Variants in PFKFB3 observed in about 807,000 individuals in gnomAD.
PFKFB3 encodes the protein 6-phosphofructo-2-kinase/fructose-2,6-biphosphatase 3.
In PFKFB3, 33 loss-of-function variants were observed where a neutral mutation model predicts 68.0. That is an observed-to-expected ratio of 0.49 (90% confidence interval 0.37 to 0.65). The LOEUF (loss-of-function observed/expected upper bound fraction) is 0.65. Ranked by LOEUF, PFKFB3 falls within the 30% of genes least tolerant of loss-of-function variation. The pLI is 0.00. For synonymous variants in PFKFB3, 315 were observed against 288.2 expected (o/e 1.09, Z -0.94); for missense variants, 586 against 712.2 (o/e 0.82, Z 2.02).
the PFKFB3 span, among the ~76,000 whole-genome samples, chr10:6,308,250 T>C: frequency 4.6e-5 from 7 of 152,224 alleles, no homozygotes; most frequent in Admixed American, 2.0e-4. Flanking sequence ...CGGTGGCTCA[T>C]GCCCATAATC....
At chr10:6,157,165 A>C (rs1235027018) in intron 1 of PFKFB3, among the ~76,000 whole-genome samples, 1 of 151,966 alleles carries the variant, frequency 6.6e-6, no homozygotes, top group East Asian at 1.9e-4. Flanking sequence ...GGAAACAAGG[A>C]TTTTGTCATC....
chr10:6,293,248 TC>T, the PFKFB3 span: 1 of 450,382 alleles, frequency 2.2e-6, no homozygotes. Context: ...AGTCCTTCAG[TC>T]CAGTGACCTT....
rs765060646 is a variant in PFKFB3, at chr10:6,213,726, C to T, written c.180C>T (p.Asn60=). 51 of 1,613,268 alleles carry T rather than the reference C, an allele frequency of 3.2e-5. No individual in the cohort carries two copies. In the Admixed American group the frequency reaches 6.8e-4, roughly 22 times the overall value. ...YISKKLTRYL[N]WIGVPTKVFN... ...CCAAGAAGCTGACTCGCTACCTCAA[C>T]TGGATTGGCGTCCCCACAAAAGGTG... Residue 60 remains asparagine (N), a synonymous_variant, in exon 2 of 15, where the codon AAC becomes AAT. Coordinates refer to ENST00000379775, the MANE Select transcript of PFKFB3 (RefSeq NM_004566.4).
the PFKFB3 span, chr10:6,277,705 G>T: frequency 2.7e-6 from 1 of 375,872 alleles, no homozygotes; most frequent in Non-Finnish European, 5.3e-6. Flanking sequence ...GTTTCCTGAG[G>T]CCTCCCTAGA....
chr10:6,221,427 A>G lies in PFKFB3; in HGVS notation c.878A>G (p.Asp293Gly). ...SKFVEEQNLK[D>G]LRVWTSQLKS... is the part of the protein sequence containing the mutation. ...TTCGTGGAGGAGCAGAACCTGAAGG[A>G]CCTGCGCGTGTGGACCAGCCAGCTG... The change falls in exon 9 of 15, where the codon GAC becomes GGC. Residue 293 changes from aspartate (D) to glycine (G), a missense_variant. Physicochemically the swap from Asp to Gly is moderately conservative, Grantham distance 94. Coordinates refer to ENST00000379775, the MANE Select transcript of PFKFB3 (RefSeq NM_004566.4). 1.2e-6 allele frequency: 2 copies of G among 1,613,778 alleles called. No individual in the cohort carries two copies. The highest frequency in any genetic ancestry group is 1.7e-6 in the Non-Finnish European group (2 of 1,179,990).
the PFKFB3 span, among the ~76,000 whole-genome samples, chr10:6,291,629 T>C: frequency 6.6e-6 from 1 of 151,900 alleles, no homozygotes; most frequent in African/African-American, 2.4e-5. Context: ...TACTGGCAAC[T>C]TTCAGAAGAA....
chr10:6,258,725 A>G (rs1269056687), downstream of PFKFB3, among the ~76,000 whole-genome samples: 1 of 152,232 alleles, frequency 6.6e-6, no homozygotes, highest in African/African-American at 2.4e-5. Flanking sequence ...CTGAGTGGAA[A>G]AATTACTCTC....
At chr10:6,151,999 A>G (rs966032720) in intron 1 of PFKFB3, among the ~76,000 whole-genome samples, 6 of 150,694 alleles carry the variant, frequency 4.0e-5, no homozygotes, top group Non-Finnish European at 7.4e-5. Flanking sequence ...CTGATGCCCC[A>G]GAAATTCTGA....
the PFKFB3 span, among the ~76,000 whole-genome samples, chr10:6,308,240 C>T: frequency 2.1e-3 from 326 of 152,294 alleles, 6 homozygotes; most frequent in East Asian, 0.049. Flanking sequence ...AGGCCAGGTG[C>T]GGTGGCTCAT....
At chr10:6,192,667 G>A (rs914033937) in intron 1 of PFKFB3, among the ~76,000 whole-genome samples, 160 of 21,644 alleles carry the variant, frequency 7.4e-3, no homozygotes, top group African/African-American at 0.02. Flanking sequence ...CCTCACCCGT[G>A]TGTGTGTGTG....
At position 6,215,476 on chromosome 10, in the gene PFKFB3, GC is replaced by G. The variant is rs1377544300; in HGVS notation, c.299+160del. 6.6e-6 allele frequency among the ~76,000 whole-genome samples: 1 copy of G among 152,116 alleles called. No individual in the cohort carries two copies. The highest frequency in any genetic ancestry group is 1.9e-4 in the East Asian group (1 of 5,184). On this transcript the variant is annotated intron_variant, in intron 3 of 14. Coordinates refer to ENST00000379775, the MANE Select transcript of PFKFB3 (RefSeq NM_004566.4). The surrounding 1 kb of genome is among the most constrained non-coding windows in gnomAD (Gnocchi z 4.3). ...CTGCGGGTGTAAGGCTGGGCTGCGG[GC>G]TTGGGCTTGCTTTGTTCTGAGCCAG...
rs1037733790 is a variant in PFKFB3, at chr10:6,222,765, C to G, written c.1084-90C>G. 6 of 1,406,032 alleles carry G rather than the reference C, an allele frequency of 4.3e-6. No homozygotes were observed. The African/African-American group carries it at 8.7e-5, about 20-fold the overall frequency. The allele number at this position is 1,406,032 out of a possible 1,614,324, so 87.1% of individuals were successfully genotyped here. On this transcript the variant is annotated intron_variant, in intron 10 of 14. Coordinates refer to ENST00000379775, the MANE Select transcript of PFKFB3 (RefSeq NM_004566.4). ...ATGATGGATGATTGATTTTGCGTGG[C>G]TCTCTGGCCGGTCTGATGCAGTCTG...
At chr10:6,225,092 C>T in intron 13 of PFKFB3, 1 of 456,084 alleles carries the variant, frequency 2.2e-6, no homozygotes, top group South Asian at 1.5e-5. Context: ...CTGCCTCTGA[C>T]TGAGTAGAGT....
At chr10:6,275,008 A>T in the PFKFB3 span, among the ~76,000 whole-genome samples, 9 of 152,150 alleles carry the variant, frequency 5.9e-5, no homozygotes, top group Admixed American at 2.0e-4. This position sits in a 1 kb window ranked among gnomAD's most constrained non-coding sequence, Gnocchi z 4.9. Context: ...TTTCCCACCC[A>T]AGTTTACATA....
the PFKFB3 span, among the ~76,000 whole-genome samples, chr10:6,306,867 T>C: frequency 1.3e-5 from 2 of 152,224 alleles, no homozygotes; most frequent in African/African-American, 4.8e-5. Context: ...CTTTCTCAGT[T>C]CATCAGTGTA....
At chr10:6,207,123 G>T (rs376777313) in intron 1 of PFKFB3, among the ~76,000 whole-genome samples, 1 of 150,790 alleles carries the variant, frequency 6.6e-6, no homozygotes. Context: ...CCGAGATCAC[G>T]CCACTGCACC....
In PFKFB3 at chr10:6,222,884, G is replaced by A. The variant is rs780029811; in HGVS notation, c.1113G>A (p.Glu371=). ...ESYQDLVQRL[E]PVIMELERQE... The stretch of plus-strand genomic sequence containing the variant: ...ACCAGGACCTGGTCCAGCGCTTGGA[G>A]CCAGTGATCATGGAGCTGGAGCGGC... Residue 371 remains glutamate (E), a synonymous_variant, in exon 11 of 15, where the codon GAG becomes GAA. Coordinates refer to ENST00000379775, the MANE Select transcript of PFKFB3 (RefSeq NM_004566.4). 8.4e-5 allele frequency: 135 copies of A among 1,613,834 alleles called. No individual in the cohort carries two copies. Among genetic ancestry groups the A allele is most frequent in the Non-Finnish European group, 1.1e-4 (129 of 1,179,932 alleles).
At chr10:6,199,437 C>G (rs930289760), upstream of PFKFB3, among the ~76,000 whole-genome samples, 1 of 151,580 alleles carries the variant, frequency 6.6e-6, no homozygotes, top group Admixed American at 6.6e-5. Flanking sequence ...AAGGCTGGAC[C>G]GAGCTCAGTG....
chr10:6,295,515 C>T, the PFKFB3 span, among the ~76,000 whole-genome samples: 1 of 141,894 alleles, frequency 7.0e-6, no homozygotes, highest in Non-Finnish European at 1.6e-5. Context: ...CGTGAACCAC[C>T]GCACCCAGCC....
Sources: gnomAD v4.1 joint callset for allele counts (sites outside exome capture counted in the v4.1 genomes callset) on GRCh38, gnomAD v4.1.1 for gene constraint, Gnocchi (gnomAD v3.1) non-coding constraint, MANE v1.5 for transcripts, NCBI Gene and HGNC (gene_info 2026-07-23, HGNC 2026-07-21) for gene names.